THSD4: variants seen among roughly 807,000 people sequenced by gnomAD.
The protein encoded by THSD4 is thrombospondin type 1 domain containing 4.
A neutral mutation model predicts 119.0 loss-of-function variants in THSD4; 69 were observed. The ratio of observed to expected loss-of-function variants is 0.58; its 90% CI spans 0.48 to 0.71. THSD4 has a LOEUF of 0.71. Among genes scored for constraint, THSD4 ranks in the 30% least tolerant of loss-of-function variants. The pLI is 0.00. For missense variants in THSD4, 1,393 were observed against 1,391.1 expected, an observed-to-expected ratio of 1.00 and a Z score of -0.02; for synonymous variants, 524 against 540.4, an observed-to-expected ratio of 0.97 and a Z score of 0.42.
At chr15:71,520,382 G>A (rs1421822850) in intron 7 of THSD4, among the ~76,000 whole-genome samples, 1 of 152,184 alleles carries the variant, frequency 6.6e-6, no homozygotes, top group Non-Finnish European at 1.5e-5. Flanking sequence ...GTTCAGACTG[G>A]AAGCATGGAG....
intron 7 of THSD4, among the ~76,000 whole-genome samples, chr15:71,505,324 T>A (rs1047962595): frequency 6.6e-6 from 1 of 152,240 alleles, no homozygotes; most frequent in Non-Finnish European, 1.5e-5. Context: ...ACAATCTCTT[T>A]CTGTACAGAG....
At chr15:71,592,276 G>A (rs975046750) in intron 7 of THSD4, among the ~76,000 whole-genome samples, 5 of 152,222 alleles carry the variant, frequency 3.3e-5, no homozygotes, top group African/African-American at 4.8e-5. Context: ...TGAATGCCCT[G>A]TTCCCCCATG....
intron 11 of THSD4, among the ~76,000 whole-genome samples, chr15:71,740,785 G>A (rs936920018): frequency 6.6e-6 from 1 of 152,118 alleles, no homozygotes; most frequent in Non-Finnish European, 1.5e-5. Context: ...CCTCCTTTAC[G>A]ACACTCTGGT....
chr15:71,547,440 C>T (rs536843267), intron 7 of THSD4: 7 of 1,550,426 alleles, frequency 4.5e-6, no homozygotes, highest in East Asian at 2.4e-5. Context: ...ATTAACATTG[C>T]TCCACGTTCA....
chr15:71,767,059 G>T (rs555837454), intron 16 of THSD4: 1 of 152,072 alleles, frequency 6.6e-6, no homozygotes. Flanking sequence ...TCTTGTTTGC[G>T]GTAGGAGATA....
intron 8 of THSD4, among the ~76,000 whole-genome samples, chr15:71,704,128 G>A (rs1258696458): frequency 6.6e-6 from 1 of 152,202 alleles, no homozygotes; most frequent in African/African-American, 2.4e-5. Flanking sequence ...GATTACAGGT[G>A]TGAGCCACTG....
intron 3 of THSD4, among the ~76,000 whole-genome samples, chr15:71,212,392 A>G (rs773857697): frequency 5.3e-5 from 8 of 152,168 alleles, no homozygotes; most frequent in African/African-American, 1.4e-4. Flanking sequence ...GACCTGCCCA[A>G]TTTGGCAATA....
Position 71,154,943 on chromosome 15 carries a change from G to A in THSD4, c.99+11G>A. ...ACTCAACACAGGAAGGTAAGCCATG[G>A]CCATCCAGAGGTTTTCTTCTCTGCC... On this transcript the variant is annotated intron_variant, in intron 3 of 17. Transcript: ENST00000261862. The A allele has an allele frequency of 6.2e-7, 1 of 1,613,832 alleles. No individual in the cohort carries two copies. The highest frequency in any genetic ancestry group is 8.5e-7 in the Non-Finnish European group (1 of 1,179,954).
intron 6 of THSD4, among the ~76,000 whole-genome samples, chr15:71,397,722 A>C (rs1026734180): frequency 3.9e-5 from 6 of 152,220 alleles, no homozygotes; most frequent in African/African-American, 1.4e-4. Context: ...TCTGAATTTG[A>C]ATCCTGGTGG....
chr15:71,579,148 A>G (rs2049512337), intron 7 of THSD4, among the ~76,000 whole-genome samples: 2 of 152,294 alleles, frequency 1.3e-5, no homozygotes, highest in Non-Finnish European at 1.5e-5. Context: ...TTTTAATCAA[A>G]CTAGCAGTAA....
chr15:71,455,421 T>TGAA (rs112652744), intron 7 of THSD4, among the ~76,000 whole-genome samples: 6,342 of 152,186 alleles, frequency 0.042, 189 homozygotes, highest in South Asian at 0.077. Flanking sequence ...GGTGTGTGAT[T>TGAA]GGAGAGTGTT....
In THSD4 at chr15:71,285,593, T is replaced by C. The variant is rs112813972; in HGVS notation, c.1015+28878T>C. ...AAAAACAGCCGGGTGTGGTGGCTCA[T>C]GCCTGTAATCCCAGCACTTTGGGAG... On this transcript the variant is annotated intron_variant, in intron 6 of 17. Coordinates refer to ENST00000261862, the MANE Select transcript of THSD4 (RefSeq NM_024817.3). 1.0e-2 allele frequency among the ~76,000 whole-genome samples: 1,521 copies of C among 152,286 alleles called. 8 individuals carry two copies. Among genetic ancestry groups the C allele is most frequent in the Middle Eastern group, 0.017 (5 of 294 alleles).
intron 15 of THSD4, among the ~76,000 whole-genome samples, chr15:71,763,099 A>G (rs544669683): frequency 6.6e-6 from 1 of 152,088 alleles, no homozygotes; most frequent in Non-Finnish European, 1.5e-5. Context: ...TAGTAAAAAA[A>G]TCCCGTAGTT....
At chr15:71,128,541 A>AT (rs397728585) in intron 1 of THSD4, among the ~76,000 whole-genome samples, 1 of 150,904 alleles carries the variant, frequency 6.6e-6, no homozygotes, top group Admixed American at 6.6e-5. Context: ...AAAAAAAAAA[A>AT]GGCTATAACA....
chr15:71,763,554 A>ATTTTT (rs10647138), intron 15 of THSD4, among the ~76,000 whole-genome samples: 9 of 145,032 alleles, frequency 6.2e-5, no homozygotes, highest in African/African-American at 2.1e-4. Context: ...CTAAAAACAA[A>ATTTTT]TTTTTTTTTT....
intron 11 of THSD4, among the ~76,000 whole-genome samples, chr15:71,741,385 C>A (rs1011810193): frequency 8.6e-5 from 13 of 152,036 alleles, no homozygotes; most frequent in East Asian, 1.9e-4. Flanking sequence ...CCCAGCTACT[C>A]GGGAGGCTGA....
chr15:71,548,493 A>G (rs1181520895), intron 7 of THSD4, among the ~76,000 whole-genome samples: 1 of 152,200 alleles, frequency 6.6e-6, no homozygotes, highest in Non-Finnish European at 1.5e-5. Context: ...CCACGGCTGC[A>G]AGGCTAGCTG....
chr15:71,120,109 T>G (rs2141352239), intron 1 of THSD4, among the ~76,000 whole-genome samples: 1 of 152,358 alleles, frequency 6.6e-6, no homozygotes, highest in Middle Eastern at 3.4e-3. Flanking sequence ...ATCCAGGGTT[T>G]TGTGTCTGAA....
chr15:71,376,542 A>C (rs940345565), intron 6 of THSD4, among the ~76,000 whole-genome samples: 2 of 152,042 alleles, frequency 1.3e-5, no homozygotes, highest in African/African-American at 4.8e-5. Flanking sequence ...GATCATTTGG[A>C]TCTCCCCTGG....
Sources: gnomAD v4.1 joint callset for allele counts (sites outside exome capture counted in the v4.1 genomes callset) on GRCh38, gnomAD v4.1.1 for gene constraint, MANE v1.5 for transcripts, NCBI Gene and HGNC (gene_info 2026-07-23, HGNC 2026-07-21) for gene names.